RFX3: variants seen among roughly 807,000 people sequenced by gnomAD.
The protein encoded by RFX3 is regulatory factor X3, also known as transcription factor RFX3.
Under a neutral mutation model 98.6 loss-of-function variants are expected in RFX3, and 14 were observed. The ratio of observed to expected loss-of-function variants is 0.14; its 90% CI spans 0.09 to 0.22. RFX3 has a LOEUF of 0.22. Ranked by LOEUF, RFX3 falls within the 10% of genes least tolerant of loss-of-function variation. The pLI, the probability that RFX3 is intolerant of heterozygous loss-of-function variation, is 1.00. For synonymous variants in RFX3, 383 were observed against 328.4 expected, an observed-to-expected ratio of 1.17 and a Z score of -1.80; for missense variants, 639 against 926.9, an observed-to-expected ratio of 0.69 and a Z score of 4.03.
At chr9:3,507,933 G>A (rs1273291361) in intron 1 of RFX3, among the ~76,000 whole-genome samples, 1 of 148,814 alleles carries the variant, frequency 6.7e-6, no homozygotes, top group Non-Finnish European at 1.5e-5. Flanking sequence ...TGAAATACAA[G>A]TTTGAAAATG....
chr9:3,466,400 G>GA (rs1158125651), intron 1 of RFX3, among the ~76,000 whole-genome samples: 2 of 151,908 alleles, frequency 1.3e-5, no homozygotes, highest in African/African-American at 4.8e-5. Context: ...ATTATTAAAA[G>GA]AAAAAAATGT....
chr9:3,295,037 A>G (rs1178021313), intron 5 of RFX3, among the ~76,000 whole-genome samples: 1 of 152,118 alleles, frequency 6.6e-6, no homozygotes, highest in East Asian at 1.9e-4. Context: ...TCAGTAAACA[A>G]GTTTTCCAGG....
At chr9:3,356,200 A>AAGGAAG (rs1563978412) in intron 2 of RFX3, among the ~76,000 whole-genome samples, 6 of 116,470 alleles carry the variant, frequency 5.2e-5, no homozygotes, top group African/African-American at 2.8e-4. Context: ...AAGGAAGGAA[A>AAGGAAG]GAAGGAAAGA....
chr9:3,391,733 G>T (rs1840332296), intron 2 of RFX3, among the ~76,000 whole-genome samples: 1 of 152,072 alleles, frequency 6.6e-6, no homozygotes, highest in South Asian at 2.1e-4. Flanking sequence ...TTCCACTTCT[G>T]ACAGCAATCC....
intron 1 of RFX3, among the ~76,000 whole-genome samples, chr9:3,518,203 T>C (rs375275968): frequency 4.3e-4 from 66 of 152,320 alleles, no homozygotes; most frequent in African/African-American, 1.3e-3. Flanking sequence ...TGAAATCACC[T>C]AACTACGTAA....
At position 3,525,926 on chromosome 9, in the gene RFX3, AAGAGAGAGAGAGAGGGAG is replaced by A; in HGVS notation, c.-206_-189del. The A allele has an allele frequency of 1.0e-6, 1 of 957,584 alleles. No homozygotes were observed. Among genetic ancestry groups the A allele is most frequent in the Non-Finnish European group, 1.2e-6 (1 of 807,848 alleles). The allele number at this position is 957,584 out of a possible 1,614,324, so 59.3% of individuals were successfully genotyped here. On this transcript the variant is annotated 5_prime_UTR_variant, in exon 1 of 17. Coordinates refer to ENST00000617270, the MANE Select transcript of RFX3 (RefSeq NM_001282116.2). ...AGGCAACGGTTGCTATAACTCACAA[AAGAGAGAGAGAGAGGGAG>A]AGAGAGAGAGAGCGAGAGGGAGAGG... is the stretch of plus-strand genomic sequence containing the variant.
At chr9:3,262,500 T>C (rs1052665456) in intron 13 of RFX3, among the ~76,000 whole-genome samples, 2 of 152,160 alleles carry the variant, frequency 1.3e-5, no homozygotes, top group African/African-American at 4.8e-5. Context: ...AATAGAAATA[T>C]CTCTGCATGT....
chr9:3,255,369 C>T (rs1476205765), intron 14 of RFX3, among the ~76,000 whole-genome samples: 2 of 152,184 alleles, frequency 1.3e-5, no homozygotes, highest in Admixed American at 6.5e-5. Flanking sequence ...TCTTTCCCTC[C>T]TCACAACTAG....
At chr9:3,262,877 A>G in intron 13 of RFX3, 58 bp downstream of exon 13, 4 of 1,534,476 alleles carry the variant, frequency 2.6e-6, no homozygotes, top group Non-Finnish European at 3.6e-6. Context: ...ATCCCAATTA[A>G]GAAGAACAAA....
chr9:3,408,148 T>C (rs1842125160), intron 1 of RFX3, among the ~76,000 whole-genome samples: 1 of 152,186 alleles, frequency 6.6e-6, no homozygotes, highest in Non-Finnish European at 1.5e-5. Context: ...CCAGGGGTTG[T>C]TGCTCCCTGA....
At chr9:3,417,994 T>C (rs549397800) in intron 1 of RFX3, among the ~76,000 whole-genome samples, 6 of 152,340 alleles carry the variant, frequency 3.9e-5, no homozygotes, top group East Asian at 1.9e-4. Context: ...TTCTACAAAA[T>C]AGATATGCAT....
At chr9:3,226,462 T>G (rs684434) in intron 16 of RFX3, among the ~76,000 whole-genome samples, 130,193 of 152,114 alleles carry the variant, frequency 0.86, 56,639 homozygotes, top group East Asian at 0.97. Context: ...ACAGCCACCA[T>G]GAGCAAGGTC....
intron 1 of RFX3, among the ~76,000 whole-genome samples, chr9:3,521,605 G>GT (rs958860618): frequency 5.9e-5 from 9 of 152,060 alleles, no homozygotes. Context: ...TAGGTTGATA[G>GT]TTTTTTTATT....
intron 15 of RFX3, among the ~76,000 whole-genome samples, chr9:3,233,067 T>A (rs1220411624): frequency 6.6e-6 from 1 of 152,192 alleles, no homozygotes; most frequent in African/African-American, 2.4e-5. Context: ...ATACTTCCTA[T>A]CCTATAGACT....
chr9:3,366,396 C>A (rs192343765), intron 2 of RFX3, among the ~76,000 whole-genome samples: 1 of 152,140 alleles, frequency 6.6e-6, no homozygotes, highest in Admixed American at 6.5e-5. Flanking sequence ...CATACATACA[C>A]GCACCAACTA....
chr9:3,288,063 A>G, intron 7 of RFX3, 68 bp downstream of exon 7: 2 of 1,485,556 alleles, frequency 1.3e-6, no homozygotes, highest in Non-Finnish European at 1.8e-6. Context: ...ATTTGTTCAG[A>G]AAAAAGGAGA....
intron 6 of RFX3, among the ~76,000 whole-genome samples, chr9:3,292,621 C>A (rs1015648077): frequency 6.6e-6 from 1 of 152,252 alleles, no homozygotes; most frequent in South Asian, 2.1e-4. Context: ...TCTATCCCAA[C>A]AGTTATTTAT....
At chr9:3,237,766 A>G (rs1182915960) in intron 15 of RFX3, among the ~76,000 whole-genome samples, 1 of 152,256 alleles carries the variant, frequency 6.6e-6, no homozygotes, top group African/African-American at 2.4e-5. Context: ...CCCAGGGTGC[A>G]AAGATATTAA....
chr9:3,483,242 CAAT>C (rs1564160061), intron 1 of RFX3, among the ~76,000 whole-genome samples: 2 of 152,082 alleles, frequency 1.3e-5, no homozygotes, highest in African/African-American at 4.8e-5. Flanking sequence ...TTAGTTGTCA[CAAT>C]GATGCAGGGA....
Sources: allele counts gnomAD v4.1 joint callset (sites outside exome capture counted in the v4.1 genomes callset), GRCh38; gene constraint gnomAD v4.1.1; transcripts MANE v1.5; gene names NCBI Gene and HGNC (gene_info 2026-07-23, HGNC 2026-07-21).